Variants in JAKMIP2 observed in about 807,000 individuals in gnomAD.
JAKMIP2 encodes the protein janus kinase and microtubule interacting protein 2.
A neutral mutation model predicts 115.0 loss-of-function variants in JAKMIP2; 25 were observed. The observed-to-expected ratio is 0.22, with a 90% CI of 0.16 to 0.30. JAKMIP2 has a LOEUF of 0.30. Among genes scored for constraint, JAKMIP2 ranks in the 10% least tolerant of loss-of-function variants. JAKMIP2 has a pLI of 1.00. For missense variants in JAKMIP2, 642 were observed against 957.6 expected (o/e 0.67, Z 4.35); for synonymous variants, 334 against 343.6 (o/e 0.97, Z 0.31).
At chr5:147,749,612 C>A (rs1487146677) in intron 1 of JAKMIP2, among the ~76,000 whole-genome samples, 1 of 152,186 alleles carries the variant, frequency 6.6e-6, no homozygotes, top group African/African-American at 2.4e-5. Flanking sequence ...AGAGTAGGAC[C>A]CTGCCCTATA....
At chr5:147,747,714 C>T (rs1010659672) in intron 1 of JAKMIP2, among the ~76,000 whole-genome samples, 2 of 152,162 alleles carry the variant, frequency 1.3e-5, no homozygotes, top group African/African-American at 4.8e-5. Flanking sequence ...TTTATTTAAA[C>T]TGCCCCAGCA....
chr5:147,632,902 A>G, intron 12 of JAKMIP2, 124 bp from the exon 13 acceptor site: 1 of 606,546 alleles, frequency 1.6e-6, no homozygotes, highest in Non-Finnish European at 2.9e-6. Context: ...AAATCCCCAA[A>G]TAGATGTGAA....
At chr5:147,639,178 C>G (rs377573277) in intron 10 of JAKMIP2, among the ~76,000 whole-genome samples, 4 of 152,160 alleles carry the variant, frequency 2.6e-5, no homozygotes, top group East Asian at 3.8e-4. Context: ...TATAAAATAT[C>G]TGCCTTAGGG....
At chr5:147,619,067 A>G (rs1756726377) in intron 18 of JAKMIP2, among the ~76,000 whole-genome samples, 1 of 152,120 alleles carries the variant, frequency 6.6e-6, no homozygotes. Context: ...TGAAGGATGC[A>G]CTGCCTTCAT....
At chr5:147,682,039 C>CA (rs201220964) in intron 1 of JAKMIP2, among the ~76,000 whole-genome samples, 850 of 76,218 alleles carry the variant, frequency 0.011, 1 homozygote, top group Non-Finnish European at 0.015. Flanking sequence ...AACTCTGTTT[C>CA]AAAAAAAAAA....
intron 5 of JAKMIP2, among the ~76,000 whole-genome samples, chr5:147,646,693 A>G (rs1303827957): frequency 6.6e-6 from 1 of 151,696 alleles, no homozygotes. Context: ...ATACACATAC[A>G]CATGTATATG....
At position 147,746,314 on chromosome 5, in the gene JAKMIP2, C is replaced by A. The variant is rs969757217; in HGVS notation, c.-149+36142G>T. Among the ~76,000 whole-genome samples the A allele has an allele frequency of 7.2e-5, 11 of 152,188 alleles. No homozygotes were observed. The South Asian group carries it at 2.3e-3, about 32-fold the overall frequency. ...GGTATTCCCTCATCAAATTCTCTCC[C>A]AGAAAAAGCTCGATGACCTGGGTTG... On this transcript the variant is annotated intron_variant, in intron 1 of 21. Coordinates refer to ENST00000616793, the MANE Select transcript of JAKMIP2 (RefSeq NM_001270941.2).
intron 1 of JAKMIP2, among the ~76,000 whole-genome samples, chr5:147,688,227 G>C (rs1005681816): frequency 6.6e-6 from 1 of 152,154 alleles, no homozygotes; most frequent in African/African-American, 2.4e-5. Context: ...ATCATTCATT[G>C]TCATAATGTT....
intron 6 of JAKMIP2, 72 bp from the exon 7 acceptor site, chr5:147,644,270 T>G (rs1298951996): frequency 7.1e-7 from 1 of 1,399,634 alleles, no homozygotes; most frequent in Non-Finnish European, 9.6e-7. Context: ...ACATAAAATA[T>G]CTGTAGAAAG....
intron 2 of JAKMIP2, chr5:147,661,741 A>G (rs1419461851): frequency 6.2e-6 from 2 of 321,312 alleles, no homozygotes; most frequent in Admixed American, 4.7e-5. Flanking sequence ...CCCAGGAAGC[A>G]TGTTAGAAGC....
intron 1 of JAKMIP2, among the ~76,000 whole-genome samples, chr5:147,702,883 C>T (rs981939668): frequency 5.9e-5 from 9 of 152,154 alleles, no homozygotes; most frequent in African/African-American, 2.2e-4. Context: ...AGAAAGACTC[C>T]TCATAAATAT....
chr5:147,759,789 C>T (rs915581812), intron 1 of JAKMIP2, among the ~76,000 whole-genome samples: 1 of 151,982 alleles, frequency 6.6e-6, no homozygotes, highest in Non-Finnish European at 1.5e-5. Context: ...AAAGTCAATT[C>T]GTAGGATTTG....
At chr5:147,596,323 G>A (rs141779951) in intron 21 of JAKMIP2, among the ~76,000 whole-genome samples, 1 of 152,084 alleles carries the variant, frequency 6.6e-6, no homozygotes, top group Admixed American at 6.6e-5. Flanking sequence ...TCTAACTGCT[G>A]TGTGGAGAAT....
intron 12 of JAKMIP2, among the ~76,000 whole-genome samples, chr5:147,634,832 T>C (rs548434846): frequency 6.6e-6 from 1 of 152,326 alleles, no homozygotes; most frequent in Admixed American, 6.5e-5. Context: ...ATCTTTTTCC[T>C]CCTTCTCATG....
intron 1 of JAKMIP2, among the ~76,000 whole-genome samples, chr5:147,765,915 C>CTT (rs958732050): frequency 2.6e-5 from 4 of 152,078 alleles, no homozygotes; most frequent in African/African-American, 9.7e-5. Context: ...ATCTGTGATA[C>CTT]TTGTTTAAAC....
chr5:147,640,474 T>A (rs1581338067), intron 9 of JAKMIP2, among the ~76,000 whole-genome samples: 2 of 152,182 alleles, frequency 1.3e-5, no homozygotes, highest in Admixed American at 1.3e-4. Context: ...TTGAAAGAAG[T>A]CTTCAAATTA....
intron 1 of JAKMIP2, among the ~76,000 whole-genome samples, chr5:147,699,772 TG>T (rs1479768047): frequency 6.6e-6 from 1 of 152,204 alleles, no homozygotes; most frequent in Non-Finnish European, 1.5e-5. Flanking sequence ...AGGCAACAAA[TG>T]CTAGTGTTTC....
chr5:147,611,406 C>T (rs983950719), intron 20 of JAKMIP2, among the ~76,000 whole-genome samples: 1 of 152,130 alleles, frequency 6.6e-6, no homozygotes, highest in Non-Finnish European at 1.5e-5. Flanking sequence ...CCTCATGGTG[C>T]AGTCCCTCAT....
chr5:147,682,498 T>C (rs368426484), intron 1 of JAKMIP2, among the ~76,000 whole-genome samples: 1 of 152,298 alleles, frequency 6.6e-6, no homozygotes, highest in East Asian at 1.9e-4. Context: ...ATCCAGTATA[T>C]ATACAGAATG....
Sources: allele counts gnomAD v4.1 joint callset (sites outside exome capture counted in the v4.1 genomes callset), GRCh38; gene constraint gnomAD v4.1.1; transcripts MANE v1.5; gene names NCBI Gene and HGNC (gene_info 2026-07-23, HGNC 2026-07-21).